The following NUDT19 variants were observed in gnomAD, a reference collection of about 807,000 sequenced individuals.
The protein encoded by NUDT19 is nudix hydrolase 19.
In NUDT19, 31 loss-of-function variants were observed where a neutral mutation model predicts 22.2. The ratio of observed to expected loss-of-function variants is 1.40; its 90% CI spans 1.05 to 1.89. The LOEUF (loss-of-function observed/expected upper bound fraction) is 1.89, where lower values mean the gene tolerates loss of function less well. NUDT19 is among the 40% of genes most tolerant of loss of function. The pLI is 0.00. For synonymous variants in NUDT19, 325 were observed against 230.8 expected (o/e 1.41, Z -3.70); for missense variants, 752 against 514.2 (o/e 1.46, Z -4.47).
chr19:32,694,114 C>T (rs57164679), intron 1 of NUDT19, among the ~76,000 whole-genome samples: 1,765 of 152,208 alleles, frequency 0.012, 30 homozygotes, highest in African/African-American at 0.04. Flanking sequence ...ACAAATTTGA[C>T]AAGGAGGTTA....
Position 32,711,764 on chromosome 19 carries a change from A to G in NUDT19, c.935A>G (p.Tyr312Cys), listed in dbSNP as rs765115540. Residue 312 changes from tyrosine to cysteine, a missense_variant, in exon 3 of 3, where the codon TAT becomes TGT. Transcript: ENST00000397061. Reference sequence around the variant, plus strand: ...TTTCCTTTTTCAGGTGATGAGCTATATTTAGAAGATTCAGACTTTTTGGAA... The same window carrying G: ...TTTCCTTTTTCAGGTGATGAGCTATGTTTAGAAGATTCAGACTTTTTGGAA... ...MVHLLPGDEL[Y>C]LEDSDFLENL... 1 of 1,602,862 alleles carries G rather than the reference A, an allele frequency of 6.2e-7. No individual in the cohort carries two copies. Among genetic ancestry groups the G allele is most frequent in the South Asian group, 1.1e-5 (1 of 90,778 alleles).
At chr19:32,707,552 A>G (rs1325497687) in intron 1 of NUDT19, among the ~76,000 whole-genome samples, 1 of 152,194 alleles carries the variant, frequency 6.6e-6, no homozygotes, top group East Asian at 1.9e-4. Context: ...CCAAGTAAAG[A>G]ACAACCTTAT....
intron 1 of NUDT19, among the ~76,000 whole-genome samples, chr19:32,699,657 C>T (rs1968310214): frequency 6.6e-6 from 1 of 152,156 alleles, no homozygotes; most frequent in African/African-American, 2.4e-5. Context: ...GACAGAATAG[C>T]AAGCGAAAGG....
In NUDT19 at chr19:32,692,090, C is replaced by T; in HGVS notation, c.130C>T (p.Leu44=). The T allele has an allele frequency of 7.4e-7, 1 of 1,348,152 alleles. No individual in the cohort carries two copies. Among genetic ancestry groups the T allele is most frequent in the Non-Finnish European group, 9.5e-7 (1 of 1,053,088 alleles). 83.5% of individuals were successfully genotyped at this position (1,348,152 alleles called of 1,614,324 possible). A position where few individuals can be genotyped will look rare whatever the true frequency, so the allele number is the denominator to read the frequency against. ...SRPPPAEGFR[L]LLLQRSPHQG... is the part of the protein sequence containing the mutation. ...CCCGCCGCCGGCCGAGGGCTTCCGG[C>T]TGCTGCTGCTGCAGCGCTCCCCGCA... is the stretch of plus-strand genomic sequence containing the variant. Residue 44 remains leucine, a synonymous_variant, in exon 1 of 3, where the codon CTG becomes TTG. Transcript: ENST00000397061.
intron 2 of NUDT19, 109 bp downstream of exon 2, chr19:32,709,501 A>G: frequency 1.2e-6 from 1 of 851,734 alleles, no homozygotes. Flanking sequence ...GTGTTTTGTA[A>G]TCTACAGGGT....
At chr19:32,703,596 G>A (rs564597631) in intron 1 of NUDT19, among the ~76,000 whole-genome samples, 1 of 141,442 alleles carries the variant, frequency 7.1e-6, no homozygotes, top group African/African-American at 2.6e-5. Flanking sequence ...TGATCCACCT[G>A]CCTCAGCCTC....
chr19:32,692,460 G>A lies in NUDT19; in HGVS notation c.500G>A (p.Trp167Ter), dbSNP rs759095122. Residue 167 changes from tryptophan to a stop codon, truncating the protein, a stop_gained, in exon 1 of 3, where the codon TGG becomes TAG. Transcript: ENST00000397061. LOFTEE classifies it high-confidence loss of function. ...ALEPPPGLAS[W>*]RDRVRQDPRH... is the part of the protein sequence containing the mutation. Reference sequence around the variant, plus strand: ...GAGCCACCGCCGGGCCTGGCCTCCTGGCGCGACCGCGTGCGCCAGGACCCG... The same window carrying A: ...GAGCCACCGCCGGGCCTGGCCTCCTAGCGCGACCGCGTGCGCCAGGACCCG... 3.9e-6 allele frequency: 6 copies of A among 1,546,558 alleles called. No individual in the cohort carries two copies. The highest frequency in any genetic ancestry group is 1.2e-5 in the South Asian group (1 of 85,334).
chr19:32,708,489 T>C (rs1417690074), intron 1 of NUDT19, among the ~76,000 whole-genome samples: 1 of 152,004 alleles, frequency 6.6e-6, no homozygotes, highest in African/African-American at 2.4e-5. Flanking sequence ...GCTCTTTTTA[T>C]CTAAATGTCT....
chr19:32,696,976 C>A (rs927061567), intron 1 of NUDT19, among the ~76,000 whole-genome samples: 2 of 152,108 alleles, frequency 1.3e-5, no homozygotes, highest in Admixed American at 6.6e-5. Context: ...GAACCTTTGT[C>A]CTCTGGGGCA....
rs1968464163 is a variant in NUDT19 at position 32,712,896 on chromosome 19, T to TTA, written c.*941_*942dup. 6.6e-6 allele frequency: 1 copy of TTA among 152,236 alleles called. No homozygotes were observed. Among genetic ancestry groups the TTA allele is most frequent in the South Asian group, 2.1e-4 (1 of 4,832 alleles). 9.4% of individuals were successfully genotyped at this position (152,236 alleles called of 1,614,324 possible). On this transcript the variant is annotated 3_prime_UTR_variant, in exon 3 of 3. Coordinates refer to ENST00000397061, the MANE Select transcript of NUDT19 (RefSeq NM_001105570.2). ...CATGTTCTGCTGTTTATTGTTCTTG[T>TTA]TATCCACTGTATTAGCACCTTCCCT... is the stretch of plus-strand genomic sequence containing the variant.
chr19:32,706,738 A>G (rs1052679737), intron 1 of NUDT19, among the ~76,000 whole-genome samples: 2 of 152,244 alleles, frequency 1.3e-5, no homozygotes, highest in Non-Finnish European at 2.9e-5. Flanking sequence ...TAATTCATCA[A>G]TTAAATTTTA....
At chr19:32,711,554 T>C (rs1050153998) in intron 2 of NUDT19, among the ~76,000 whole-genome samples, 198 bp from the exon 3 acceptor site, 3 of 152,116 alleles carry the variant, frequency 2.0e-5, no homozygotes, top group African/African-American at 7.2e-5. Context: ...ACATATTAAA[T>C]AGATCAAAAT....
chr19:32,709,824 A>AT (rs35764392), intron 2 of NUDT19, among the ~76,000 whole-genome samples: 50,762 of 147,872 alleles, frequency 0.34, 8,557 homozygotes, highest in Middle Eastern at 0.4. Context: ...TAATCTTTGT[A>AT]TTTTTTTTTT....
intron 2 of NUDT19, among the ~76,000 whole-genome samples, chr19:32,710,893 CA>C (rs35758892): frequency 4.3e-4 from 60 of 140,784 alleles, no homozygotes; most frequent in Non-Finnish European, 5.1e-4. Context: ...AACTCCATCT[CA>C]AAAAAAAAAA....
chr19:32,692,790 A>G, intron 1 of NUDT19, 116 bp downstream of exon 1: 1 of 703,690 alleles, frequency 1.4e-6, no homozygotes, highest in Non-Finnish European at 2.1e-6. Context: ...GAGATTAAGC[A>G]GCAAGGAACG....
intron 1 of NUDT19, among the ~76,000 whole-genome samples, chr19:32,696,071 A>G (rs1329062344): frequency 6.6e-6 from 1 of 152,204 alleles, no homozygotes; most frequent in Non-Finnish European, 1.5e-5. Flanking sequence ...TTCAGGCGGC[A>G]TAAGTCTGGA....
chr19:32,708,767 C>T (rs1968415005), intron 1 of NUDT19, among the ~76,000 whole-genome samples: 1 of 152,208 alleles, frequency 6.6e-6, no homozygotes. Flanking sequence ...ATCATTATAT[C>T]CTCAGGATCT....
intron 1 of NUDT19, among the ~76,000 whole-genome samples, chr19:32,700,271 C>G (rs1185188391): frequency 6.6e-6 from 1 of 152,106 alleles, no homozygotes; most frequent in African/African-American, 2.4e-5. Flanking sequence ...CCATTTTACA[C>G]AGTGCTGATT....
chr19:32,701,738 T>C (rs747466606), intron 1 of NUDT19, among the ~76,000 whole-genome samples: 2 of 152,234 alleles, frequency 1.3e-5, no homozygotes, highest in Non-Finnish European at 2.9e-5. Flanking sequence ...CTGGTTATAA[T>C]CTTTATTCTG....
Sources: allele counts gnomAD v4.1 joint callset (sites outside exome capture counted in the v4.1 genomes callset), GRCh38; gene constraint gnomAD v4.1.1; transcripts MANE v1.5; gene names NCBI Gene and HGNC (gene_info 2026-07-23, HGNC 2026-07-21).